Variants in DNMT1 observed in about 807,000 individuals in gnomAD.
The protein encoded by DNMT1 is DNA (cytosine-5)-methyltransferase 1.
Under a neutral mutation model 205.3 loss-of-function variants are expected in DNMT1, and 24 were observed. The ratio of observed to expected loss-of-function variants is 0.12; its 90% confidence interval spans 0.08 to 0.16. The LOEUF is 0.16. Among genes scored for constraint, DNMT1 ranks in the 10% least tolerant of loss-of-function variants. DNMT1 has a pLI of 1.00. For missense variants in DNMT1, 1,293 were observed against 2,177.7 expected (o/e 0.59, Z 8.09); for synonymous variants, 817 against 839.8 (o/e 0.97, Z 0.47).
At chr19:10,164,403 A>C (rs1245476196) in intron 11 of DNMT1, among the ~76,000 whole-genome samples, 1 of 152,170 alleles carries the variant, frequency 6.6e-6, no homozygotes, top group Non-Finnish European at 1.5e-5. Flanking sequence ...TCAGTGTCCC[A>C]AAATGCTGGG....
At position 10,143,747 on chromosome 19, in the gene DNMT1, AAC is replaced by A; in HGVS notation, c.3116+17_3116+18del. On this transcript the variant is annotated intron_variant, in intron 29 of 40. Coordinates refer to ENST00000359526, the MANE Select transcript of DNMT1 (RefSeq NM_001130823.3). ...AGAAGAGTCTGTGGCCTCGTGGAAGAACAGAGGCCTCTGCTGACCTGTAGAAC... is the reference window on the plus strand; with the variant it reads ...AGAAGAGTCTGTGGCCTCGTGGAAGAAGAGGCCTCTGCTGACCTGTAGAAC... The A allele has an allele frequency of 6.2e-7, 1 of 1,613,086 alleles. No homozygotes were observed. The highest frequency in any genetic ancestry group is 8.5e-7 in the Non-Finnish European group (1 of 1,179,078).
At chr19:10,187,101 G>T (rs1233065237) in intron 1 of DNMT1, among the ~76,000 whole-genome samples, 1 of 151,896 alleles carries the variant, frequency 6.6e-6, no homozygotes, top group African/African-American at 2.4e-5. Flanking sequence ...GCTGGGGACA[G>T]TCGGAGGGAG....
rs2089614193 is a variant in DNMT1, at chr19:10,142,214, C to T, written c.3123G>A (p.Glu1041=). The change falls in exon 30 of 41, where the codon GAG becomes GAA. Residue 1041 remains glutamate (E), a synonymous_variant. Coordinates refer to ENST00000359526, the MANE Select transcript of DNMT1 (RefSeq NM_001130823.3). ...TCGCTGGAGTGGACTTGTGGGTGTTCTCAGGCCTGCGAGCGGGAGAGGCCT... is the reference window on the plus strand; with the variant it reads ...TCGCTGGAGTGGACTTGTGGGTGTTTTCAGGCCTGCGAGCGGGAGAGGCCT... The part of the protein sequence containing the change: ...KIRVNKFYRP[E]NTHKSTPASY... 6.2e-7 allele frequency: 1 copy of T among 1,613,952 alleles called. No individual in the cohort carries two copies. The highest frequency in any genetic ancestry group is 8.5e-7 in the Non-Finnish European group (1 of 1,180,032).
chr19:10,157,483 C>A (rs774780208), intron 17 of DNMT1, among the ~76,000 whole-genome samples: 34 of 152,112 alleles, frequency 2.2e-4, no homozygotes, highest in Non-Finnish European at 2.8e-4. Flanking sequence ...AGATGTCAAA[C>A]TCAAGGAAAA....
At chr19:10,188,086 G>C (rs183189966) in intron 1 of DNMT1, among the ~76,000 whole-genome samples, 85 of 152,248 alleles carry the variant, frequency 5.6e-4, no homozygotes, top group African/African-American at 2.0e-3. Flanking sequence ...TAATTGTGCC[G>C]CTGCATTCCA....
chr19:10,173,103 T>C lies in DNMT1; in HGVS notation c.755A>G (p.Glu252Gly). The C allele has an allele frequency of 6.2e-7, 1 of 1,614,224 alleles. No homozygotes were observed. The highest frequency in any genetic ancestry group is 8.5e-7 in the Non-Finnish European group (1 of 1,180,036). Reference protein sequence around the residue: ...KSGTRTEKEEERDEKEEKRLR... With the variant: ...KSGTRTEKEEGRDEKEEKRLR... ...ATAGAGCTTTACTTTTTCATCTCTT[T>C]CTTCTTCCTTTTCAGTGCGCGTTCC... Residue 252 changes from glutamate (E) to glycine (G), a missense_variant, in exon 9 of 41, where the codon GAA (glutamate) becomes GGA (glycine). Physicochemically the swap from Glu to Gly is moderately conservative, Grantham distance 98 (BLOSUM62 -2). Transcript: ENST00000359526.
chr19:10,176,266 T>C (rs940041277), intron 6 of DNMT1, among the ~76,000 whole-genome samples: 3 of 152,256 alleles, frequency 2.0e-5, no homozygotes, highest in Non-Finnish European at 2.9e-5. Context: ...AGGGGACCTG[T>C]GGAACACCAC....
chr19:10,187,037 A>G (rs2039198703), intron 1 of DNMT1, among the ~76,000 whole-genome samples: 1 of 151,836 alleles, frequency 6.6e-6, no homozygotes, highest in East Asian at 1.9e-4. Flanking sequence ...ACACACAAGA[A>G]ACAAACGTGA....
chr19:10,194,760 A>AC (rs1323264355), intron 1 of DNMT1, 60 bp downstream of exon 1: 14 of 1,515,632 alleles, frequency 9.2e-6, no homozygotes, highest in East Asian at 5.2e-5. Flanking sequence ...AGGGGAAGCG[A>AC]CCCCCCACCC....
intron 17 of DNMT1, among the ~76,000 whole-genome samples, chr19:10,158,423 G>A (rs2038500144): frequency 6.6e-6 from 1 of 152,180 alleles, no homozygotes; most frequent in African/African-American, 2.4e-5. Context: ...TACAGGAACC[G>A]CTGCCTGGGG....
rs769675693 is a variant in DNMT1 at position 10,137,193 on chromosome 19, G to A, written c.4381C>T (p.Arg1461Trp). 8.1e-6 allele frequency: 13 copies of A among 1,609,960 alleles called. No individual in the cohort carries two copies. The highest frequency in any genetic ancestry group is 1.3e-5 in the African/African-American group (1 of 75,026). ...DWRDLPNIEV[R>W]LSDGTMARKL... ...CTGGCCATGGTGCCGTCTGAGAGCC[G>A]CACCTCGATGTTGGGCAGATCGCGC... Residue 1461 changes from arginine to tryptophan, a missense_variant, in exon 37 of 41, where the codon CGG becomes TGG. By Grantham distance (101) the Arg-to-Trp change is moderately radical (BLOSUM62 -3). Coordinates refer to ENST00000359526, the MANE Select transcript of DNMT1 (RefSeq NM_001130823.3). This position sits in a 1 kb window ranked among gnomAD's most constrained non-coding sequence, Gnocchi z 6.4.
chr19:10,194,938 C>G lies in DNMT1; in HGVS notation c.-39G>C. The G allele has an allele frequency of 6.3e-7, 1 of 1,580,586 alleles. No individual in the cohort carries two copies. Among genetic ancestry groups the G allele is most frequent in the Non-Finnish European group, 8.6e-7 (1 of 1,164,470 alleles). On this transcript the variant is annotated 5_prime_UTR_variant, in exon 1 of 41. Transcript: ENST00000359526. The stretch of plus-strand genomic sequence containing the variant: ...GCAGACGCGGCGGCGGCAGCGCAGG[C>G]GCCCCGGCTTTTCGCGCGGAAACCG...
In DNMT1 at chr19:10,146,308, GC is replaced by G; in HGVS notation, c.2894+42del. The G allele has an allele frequency of 6.2e-7, 1 of 1,609,654 alleles. No individual in the cohort carries two copies. Among genetic ancestry groups the G allele is most frequent in the Non-Finnish European group, 8.5e-7 (1 of 1,178,192 alleles). On this transcript the variant is annotated intron_variant, in intron 28 of 40. Coordinates refer to ENST00000359526, the MANE Select transcript of DNMT1 (RefSeq NM_001130823.3). This position sits in a 1 kb window ranked among gnomAD's most constrained non-coding sequence, Gnocchi z 4.4. Reference sequence around the variant, plus strand: ...GACACCACAAAGCCAGCCTGGCTCAGCCTGGAGCGCCCTGGCCCCGGCTGCT... The same window carrying G: ...GACACCACAAAGCCAGCCTGGCTCAGCTGGAGCGCCCTGGCCCCGGCTGCT...
chr19:10,181,872 A>G (rs891563196), intron 2 of DNMT1, among the ~76,000 whole-genome samples, 169 bp downstream of exon 2: 1 of 152,114 alleles, frequency 6.6e-6, no homozygotes, highest in Non-Finnish European at 1.5e-5. Context: ...CCACCACCCA[A>G]CTATTAGCAG....
intron 34 of DNMT1, among the ~76,000 whole-genome samples, chr19:10,139,248 A>T (rs563352312): frequency 6.6e-6 from 1 of 152,340 alleles, no homozygotes; most frequent in Non-Finnish European, 1.5e-5. Context: ...TTGTGTGCGC[A>T]GTTACCCAGA....
chr19:10,188,740 G>A (rs1277060497), intron 1 of DNMT1, among the ~76,000 whole-genome samples: 1 of 152,204 alleles, frequency 6.6e-6, no homozygotes, highest in Non-Finnish European at 1.5e-5. Context: ...TAGCTGCAGA[G>A]AGCGGGCAAC....
intron 1 of DNMT1, among the ~76,000 whole-genome samples, chr19:10,193,698 G>A (rs1453262326): frequency 6.6e-6 from 1 of 151,160 alleles, no homozygotes; most frequent in African/African-American, 2.4e-5. Flanking sequence ...GAAAAAAAGC[G>A]GGGGTTGAAC....
Position 10,138,216 on chromosome 19 carries a change from T to A in DNMT1, c.4116-207A>T, listed in dbSNP as rs2089531152. ...CTTTGTGGATGACCACAGCCAAGCA[T>A]GCGGCTGGCCGCTCTGCACATGCTA... is the stretch of plus-strand genomic sequence containing the variant. On this transcript the variant is annotated intron_variant, in intron 35 of 40. Transcript: ENST00000359526. The surrounding 1 kb of genome is among the most constrained non-coding windows in gnomAD (Gnocchi z 4.1). 6.6e-6 allele frequency among the ~76,000 whole-genome samples: 1 copy of A among 152,224 alleles called. No individual in the cohort carries two copies. Among genetic ancestry groups the A allele is most frequent in the Non-Finnish European group, 1.5e-5 (1 of 68,034 alleles).
At position 10,154,520 on chromosome 19, in the gene DNMT1, G is replaced by A. The variant is rs761229261; in HGVS notation, c.1833-41C>T. ...CAGCATCTCAGAGGACTGGGACAGA[G>A]GATGTGGGCCATGCTCTACCCTCCC... is the stretch of plus-strand genomic sequence containing the variant. On this transcript the variant is annotated intron_variant, in intron 21 of 40. Coordinates refer to ENST00000359526, the MANE Select transcript of DNMT1 (RefSeq NM_001130823.3). The surrounding 1 kb of genome is among the most constrained non-coding windows in gnomAD (Gnocchi z 6.3). 2 of 1,614,028 alleles carry A rather than the reference G, an allele frequency of 1.2e-6. No individual in the cohort carries two copies. Among genetic ancestry groups the A allele is most frequent in the African/African-American group, 1.3e-5 (1 of 74,906 alleles).
Sources: allele counts gnomAD v4.1 joint callset (sites outside exome capture counted in the v4.1 genomes callset), GRCh38; gene constraint gnomAD v4.1.1; non-coding constraint Gnocchi (gnomAD v3.1); transcripts MANE v1.5; gene names NCBI Gene and HGNC (gene_info 2026-07-23, HGNC 2026-07-21).